The following PXN variants were observed in gnomAD, a reference collection of about 807,000 sequenced individuals.
PXN encodes the protein testicular tissue protein Li 134.
A neutral mutation model predicts 103.6 loss-of-function variants in PXN; 61 were observed. The ratio of observed to expected loss-of-function variants is 0.59; its 90% CI spans 0.48 to 0.73. The LOEUF is 0.73. Among genes scored for constraint, PXN ranks in the 30% least tolerant of loss-of-function variants. The probability of loss-of-function intolerance (pLI) is 0.00; values close to 1 mark genes in which losing one functional copy is unlikely to be tolerated. For synonymous variants in PXN, 562 were observed against 607.8 expected, an observed-to-expected ratio of 0.92 and a Z score of 1.11; for missense variants, 1,274 against 1,460.3, an observed-to-expected ratio of 0.87 and a Z score of 2.08.
intron 1 of PXN, among the ~76,000 whole-genome samples, chr12:120,258,929 C>T (rs1165289594): frequency 4.0e-5 from 6 of 151,612 alleles, no homozygotes; most frequent in Non-Finnish European, 5.9e-5. Context: ...ATTAGCCAGG[C>T]GTGGTGGTGC....
rs1213001205 is a variant in PXN at position 120,228,268 on chromosome 12, CT to C, written c.14-3892del. 2.0e-5 allele frequency among the ~76,000 whole-genome samples: 3 copies of C among 152,234 alleles called. No individual in the cohort carries two copies. Among genetic ancestry groups the C allele is most frequent in the African/African-American group, 7.2e-5 (3 of 41,462 alleles). On this transcript the variant is annotated intron_variant, in intron 1 of 14. Transcript: ENST00000637617. The surrounding 1 kb of genome is among the most constrained non-coding windows in gnomAD (Gnocchi z 4.7). Reference sequence around the variant, plus strand: ...TGGGGCCCTCCAGACCCAAGTCACCCTGAAGGAGGAAGCTCTCTCTCTGGGG... The same window carrying C: ...TGGGGCCCTCCAGACCCAAGTCACCCGAAGGAGGAAGCTCTCTCTCTGGGG...
intron 1 of PXN, chr12:120,226,308 G>A: frequency 1.6e-6 from 2 of 1,289,206 alleles, no homozygotes; most frequent in South Asian, 2.5e-5. Context: ...TAGGGGGCAG[G>A]AGCAGCTGCC....
At chr12:120,260,388 A>T (rs1206907600) in intron 1 of PXN, among the ~76,000 whole-genome samples, 1 of 151,932 alleles carries the variant, frequency 6.6e-6, no homozygotes, top group Non-Finnish European at 1.5e-5. Flanking sequence ...TCATGCCCCC[A>T]GCTACTTGGG....
intron 1 of PXN, among the ~76,000 whole-genome samples, chr12:120,257,287 A>T (rs1893163166): frequency 6.6e-6 from 1 of 152,182 alleles, no homozygotes. Flanking sequence ...CATTTCATTA[A>T]AACAATTACC....
intron 1 of PXN, among the ~76,000 whole-genome samples, chr12:120,237,143 G>A (rs1300201511): frequency 7.8e-6 from 1 of 128,936 alleles, no homozygotes; most frequent in Non-Finnish European, 1.6e-5. Context: ...GTGTGTGTGT[G>A]TGTATACACA....
Position 120,216,605 on chromosome 12 carries a change from G to A in PXN, c.1993-24C>T. ...ACCTGGGGAGAAGAAAGGAGGGAGA[G>A]CGATGAGGAAGAAATCGCCAGCTCA... On this transcript the variant is annotated intron_variant, in intron 8 of 14. Transcript: ENST00000637617. The surrounding 1 kb of genome is among the most constrained non-coding windows in gnomAD (Gnocchi z 5.1). 1.3e-6 allele frequency: 2 copies of A among 1,485,690 alleles called. No homozygotes were observed. Among genetic ancestry groups the A allele is most frequent in the African/African-American group, 1.5e-5 (1 of 68,912 alleles). 92.0% of individuals were successfully genotyped at this position (1,485,690 alleles called of 1,614,324 possible). A position where few individuals can be genotyped will look rare whatever the true frequency, so the allele number is the denominator to read the frequency against.
chr12:120,239,327 T>A (rs1303322865), intron 1 of PXN, among the ~76,000 whole-genome samples: 1 of 152,202 alleles, frequency 6.6e-6, no homozygotes, highest in Admixed American at 6.5e-5. Context: ...CTCACGCCTA[T>A]AATCCCAGCA....
At position 120,265,718 on chromosome 12, in the gene PXN, C is replaced by T. The variant is rs1894610122; in HGVS notation, c.-89G>A. 8.3e-7 allele frequency: 1 copy of T among 1,206,812 alleles called. No homozygotes were observed. The highest frequency in any genetic ancestry group is 2.5e-5 in the South Asian group (1 of 40,670). The allele number at this position is 1,206,812 out of a possible 1,614,324, so 74.8% of individuals were successfully genotyped here. ...GCCCCGCAACTTTTCCGCCGCGAGC[C>T]TCGGCCCGGAACGGAACGCGCCGCC... On this transcript the variant is annotated 5_prime_UTR_variant, in exon 1 of 15. Coordinates refer to ENST00000637617, the MANE Select transcript of PXN (RefSeq NM_001385981.1). The surrounding 1 kb of genome is among the most constrained non-coding windows in gnomAD (Gnocchi z 5.7).
chr12:120,223,675 T>C (rs1297620032), intron 3 of PXN, 43 bp downstream of exon 3: 4 of 1,454,160 alleles, frequency 2.8e-6, no homozygotes, highest in Non-Finnish European at 3.8e-6. Context: ...CCCTGAGATT[T>C]CTAAGCAGGA....
At chr12:120,262,827 C>T (rs1894082699) in intron 1 of PXN, among the ~76,000 whole-genome samples, 1 of 152,102 alleles carries the variant, frequency 6.6e-6, no homozygotes, top group South Asian at 2.1e-4. Context: ...AGCATCTAAA[C>T]AGTAATAAGA....
At chr12:120,259,933 A>G (rs1476446381) in intron 1 of PXN, among the ~76,000 whole-genome samples, 1 of 152,176 alleles carries the variant, frequency 6.6e-6, no homozygotes, top group Non-Finnish European at 1.5e-5. Context: ...TAAAGTTTTC[A>G]ACAACTCCCT....
chr12:120,264,491 C>T (rs868508465), intron 1 of PXN, among the ~76,000 whole-genome samples: 5 of 152,188 alleles, frequency 3.3e-5, no homozygotes, highest in African/African-American at 4.8e-5. Flanking sequence ...CCTGCGTTCA[C>T]GCCACCCAAG....
intron 1 of PXN, among the ~76,000 whole-genome samples, chr12:120,244,580 G>A (rs1270437544): frequency 6.6e-5 from 10 of 151,656 alleles, no homozygotes; most frequent in Non-Finnish European, 1.2e-4. Flanking sequence ...CCCGGGAGGC[G>A]GAGCTTGCAG....
In PXN at chr12:120,220,024, G is replaced by A. The variant is rs1226940998; in HGVS notation, c.899C>T (p.Ser300Phe). ...CATGGGAGGAGGAGAAGGAGGAAGG[G>A]AGCAGTATGAGGACGGAGCAGAGCT... The part of the protein sequence containing the change: ...LSSSAPSSYC[S>F]LPPSPPPMPS... The change falls in exon 7 of 15, where the codon TCC becomes TTC. Residue 300 changes from serine to phenylalanine, a missense_variant. Ser to Phe is a radical substitution (Grantham distance 155). Coordinates refer to ENST00000637617, the MANE Select transcript of PXN (RefSeq NM_001385981.1). This position sits in a 1 kb window ranked among gnomAD's most constrained non-coding sequence, Gnocchi z 6.1. 3 of 1,530,584 alleles carry A rather than the reference G, an allele frequency of 2.0e-6. No individual in the cohort carries two copies. The East Asian group carries it at 6.7e-5, about 34-fold the overall frequency. 94.8% of individuals were successfully genotyped at this position (1,530,584 alleles called of 1,614,324 possible). A position where few individuals can be genotyped will look rare whatever the true frequency, so the allele number is the denominator to read the frequency against.
Position 120,250,128 on chromosome 12 carries a change from A to G in PXN, c.13+15489T>C, listed in dbSNP as rs1891910227. 4 of 985,680 alleles carry G rather than the reference A, an allele frequency of 4.1e-6. No homozygotes were observed. The South Asian group carries it at 1.4e-4, about 35-fold the overall frequency. The allele number at this position is 985,680 out of a possible 1,614,324, so 61.1% of individuals were successfully genotyped here. ...CACATCAGTGATGAGAAACTGCCTT[A>G]GCCGGCCAGCCGAGCCAGGAGTACA... On this transcript the variant is annotated intron_variant, in intron 1 of 14. Transcript: ENST00000637617.
rs556276793 is a variant in PXN, at chr12:120,264,528, C to T, written c.13+1089G>A. Among the ~76,000 whole-genome samples, 3 of 152,336 alleles carry T rather than the reference C, an allele frequency of 2.0e-5. No homozygotes were observed. The East Asian group carries it at 5.8e-4, about 29-fold the overall frequency. On this transcript the variant is annotated intron_variant, in intron 1 of 14. Coordinates refer to ENST00000637617, the MANE Select transcript of PXN (RefSeq NM_001385981.1). ...CATTCCTAGAACCCTGGCACCAACC[C>T]CCTTGGGTTTAGAGTCGGCTTCCAG...
chr12:120,255,760 T>A (rs1002164942), intron 1 of PXN, among the ~76,000 whole-genome samples: 1 of 151,730 alleles, frequency 6.6e-6, no homozygotes, highest in Non-Finnish European at 1.5e-5. Flanking sequence ...AGTTAGTAAG[T>A]GCAGGTCAGG....
intron 1 of PXN, among the ~76,000 whole-genome samples, chr12:120,248,171 G>A (rs1467435251): frequency 1.3e-5 from 2 of 152,114 alleles, no homozygotes; most frequent in African/African-American, 4.8e-5. Context: ...GAGAGGTGAA[G>A]AGCAGGAGGA....
At chr12:120,245,089 G>A (rs908122549) in intron 1 of PXN, among the ~76,000 whole-genome samples, 8 of 151,960 alleles carry the variant, frequency 5.3e-5, no homozygotes, top group African/African-American at 1.9e-4. Context: ...GAAGGAGGAG[G>A]AGGGGCATCA....
Sources: gnomAD v4.1 joint callset for allele counts (sites outside exome capture counted in the v4.1 genomes callset) on GRCh38, gnomAD v4.1.1 for gene constraint, Gnocchi (gnomAD v3.1) non-coding constraint, MANE v1.5 for transcripts, NCBI Gene and HGNC (gene_info 2026-07-23, HGNC 2026-07-21) for gene names.